Variants in AFAP1L1 observed in about 807,000 individuals in gnomAD.
AFAP1L1 encodes the protein actin filament-associated protein 1-like 1.
A neutral mutation model predicts 99.8 loss-of-function variants in AFAP1L1; 77 were observed. The observed-to-expected ratio is 0.77, with a 90% CI of 0.64 to 0.93. The LOEUF is 0.93. AFAP1L1 is among the 40% of genes least tolerant of loss of function. AFAP1L1 has a pLI of 0.00. For synonymous variants in AFAP1L1, 373 were observed against 395.3 expected (o/e 0.94, Z 0.67); for missense variants, 893 against 996.8 (o/e 0.90, Z 1.40).
chr5:149,273,096 G>C (rs1755186359), intron 1 of AFAP1L1, among the ~76,000 whole-genome samples: 3 of 151,454 alleles, frequency 2.0e-5, no homozygotes, highest in Admixed American at 2.0e-4. Context: ...TTGGACATGT[G>C]AACAGTGTCA....
intron 1 of AFAP1L1, among the ~76,000 whole-genome samples, chr5:149,289,723 G>A (rs2127591457): frequency 6.6e-6 from 1 of 152,344 alleles, no homozygotes; most frequent in East Asian, 1.9e-4. Flanking sequence ...GCAGGGGAAG[G>A]AGAGATTTCT....
chr5:149,319,544 T>G, intron 12 of AFAP1L1, 38 bp from the exon 13 acceptor site: 1 of 1,564,002 alleles, frequency 6.4e-7, no homozygotes, highest in Non-Finnish European at 8.7e-7. Flanking sequence ...GCCCTGACAG[T>G]AGGAAAATGA....
intron 9 of AFAP1L1, among the ~76,000 whole-genome samples, chr5:149,315,448 G>A (rs914546270): frequency 6.6e-6 from 1 of 152,024 alleles, no homozygotes; most frequent in Non-Finnish European, 1.5e-5. Flanking sequence ...GCTTTTGTCT[G>A]TCCCCACAAT....
At chr5:149,303,641 T>C (rs927745738) in intron 5 of AFAP1L1, among the ~76,000 whole-genome samples, 1 of 152,188 alleles carries the variant, frequency 6.6e-6, no homozygotes. Context: ...CACAAAATAC[T>C]GCATACAACA....
chr5:149,272,265 C>T (rs1755145843), intron 1 of AFAP1L1, among the ~76,000 whole-genome samples: 1 of 152,230 alleles, frequency 6.6e-6, no homozygotes, highest in Admixed American at 6.5e-5. Flanking sequence ...AAAAGATCCC[C>T]CTCTAGTTTC....
chr5:149,295,630 G>A (rs1379639505), intron 1 of AFAP1L1, among the ~76,000 whole-genome samples: 3 of 151,854 alleles, frequency 2.0e-5, no homozygotes, highest in African/African-American at 7.3e-5. Context: ...AGGGAGGGAA[G>A]TGGGGAAGGA....
At chr5:149,310,232 C>T (rs962065343) in intron 8 of AFAP1L1, 97 bp downstream of exon 8, 19 of 1,418,512 alleles carry the variant, frequency 1.3e-5, no homozygotes, top group Non-Finnish European at 1.7e-5. Flanking sequence ...GGAAGAGCCT[C>T]TTGCTCAGTG....
intron 16 of AFAP1L1, among the ~76,000 whole-genome samples, chr5:149,330,963 T>A (rs973028648): frequency 2.6e-4 from 39 of 152,200 alleles, no homozygotes; most frequent in African/African-American, 8.2e-4. Flanking sequence ...AATTTTTTTT[T>A]AAATTTTGCA....
intron 1 of AFAP1L1, among the ~76,000 whole-genome samples, chr5:149,277,113 G>GTC (rs1431483351): frequency 6.6e-6 from 1 of 152,156 alleles, no homozygotes; most frequent in African/African-American, 2.4e-5. Flanking sequence ...CCAACATTAT[G>GTC]TCTGATCTCC....
intron 1 of AFAP1L1, among the ~76,000 whole-genome samples, chr5:149,291,723 T>C (rs1353657): frequency 0.87 from 132,805 of 151,882 alleles, 58,316 homozygotes; most frequent in Non-Finnish European, 0.91. Flanking sequence ...GATATGTTAA[T>C]ACAGTATGCA....
At chr5:149,330,642 A>C (rs1401798168) in intron 16 of AFAP1L1, among the ~76,000 whole-genome samples, 1 of 152,200 alleles carries the variant, frequency 6.6e-6, no homozygotes, top group African/African-American at 2.4e-5. Flanking sequence ...AACCAGAATC[A>C]ATAGGAGGAA....
chr5:149,320,249 C>T lies in AFAP1L1; in HGVS notation c.1626-142C>T. 1.3e-6 allele frequency: 1 copy of T among 751,976 alleles called. No individual in the cohort carries two copies. 46.6% of individuals were successfully genotyped at this position (751,976 alleles called of 1,614,324 possible). ...CCCTAACACAGCCCATGACACAATG[C>T]TGCCTGCCATCTTGCTTTTACCAAT... On this transcript the variant is annotated intron_variant, in intron 13 of 18. Transcript: ENST00000296721. The surrounding 1 kb of genome is among the most constrained non-coding windows in gnomAD (Gnocchi z 4.0).
chr5:149,333,020 G>GCCAC, intron 17 of AFAP1L1, 147 bp downstream of exon 17: 1 of 1,122,112 alleles, frequency 8.9e-7, no homozygotes, highest in Non-Finnish European at 1.2e-6. Context: ...TGAAGGGCAT[G>GCCAC]CCATGGGTGG....
chr5:149,308,970 G>C (rs1208528359), intron 7 of AFAP1L1, among the ~76,000 whole-genome samples: 1 of 151,956 alleles, frequency 6.6e-6, no homozygotes, highest in South Asian at 2.1e-4. Flanking sequence ...AATTAGCCAG[G>C]CATAGTGGTA....
rs947556456 is a variant in AFAP1L1 at position 149,280,254 on chromosome 5, T to C, written c.16+8270T>C. ...AAATCCCAAATCCTGTTGACTATTA[T>C]TGGGAAATATATCTTGGATGGCTTC... On this transcript the variant is annotated intron_variant, in intron 1 of 18. Transcript: ENST00000296721. 3.9e-5 allele frequency among the ~76,000 whole-genome samples: 6 copies of C among 152,220 alleles called. No individual in the cohort carries two copies. In the East Asian group the frequency reaches 7.7e-4, roughly 20 times the overall value.
chr5:149,335,544 G>A, intron 17 of AFAP1L1, 50 bp from the exon 18 acceptor site: 1 of 1,593,716 alleles, frequency 6.3e-7, no homozygotes. Context: ...TGGGTGTGTA[G>A]GTAGCCATCA....
intron 14 of AFAP1L1, among the ~76,000 whole-genome samples, chr5:149,321,786 C>A (rs1350937570): frequency 2.7e-5 from 4 of 148,990 alleles, no homozygotes; most frequent in African/African-American, 9.9e-5. Flanking sequence ...CACCTATAAT[C>A]CTAGCACTTA....
At chr5:149,284,664 A>G (rs1755623035) in intron 1 of AFAP1L1, among the ~76,000 whole-genome samples, 1 of 152,198 alleles carries the variant, frequency 6.6e-6, no homozygotes, top group African/African-American at 2.4e-5. Flanking sequence ...GGGGCACGTG[A>G]GGATCTTTCA....
chr5:149,276,447 G>A (rs1755328121), intron 1 of AFAP1L1, among the ~76,000 whole-genome samples: 1 of 152,142 alleles, frequency 6.6e-6, no homozygotes, highest in South Asian at 2.1e-4. Context: ...CAACCATCAG[G>A]TAAAGCCAAT....
Sources: gnomAD v4.1 joint callset for allele counts (sites outside exome capture counted in the v4.1 genomes callset) on GRCh38, gnomAD v4.1.1 for gene constraint, Gnocchi (gnomAD v3.1) non-coding constraint, MANE v1.5 for transcripts, NCBI Gene and HGNC (gene_info 2026-07-23, HGNC 2026-07-21) for gene names.